Variants in PRKN observed in about 807,000 individuals in gnomAD.
PRKN encodes parkin RBR E3 ubiquitin protein ligase.
A neutral mutation model predicts 59.5 loss-of-function variants in PRKN; 56 were observed. The ratio of observed to expected loss-of-function variants is 0.94; its 90% CI spans 0.76 to 1.18. The LOEUF (loss-of-function observed/expected upper bound fraction) is 1.18. Ranked by LOEUF, PRKN falls within the 50% of genes most tolerant of loss-of-function variation. The pLI is 0.00. For missense variants in PRKN, 657 were observed against 596.4 expected, an observed-to-expected ratio of 1.10 and a Z score of -1.06; for synonymous variants, 250 against 222.1, an observed-to-expected ratio of 1.13 and a Z score of -1.12.
intron 7 of PRKN, among the ~76,000 whole-genome samples, chr6:161,572,686 A>ATAAATAAATAAATAAC (rs1780937571): frequency 6.6e-6 from 1 of 151,988 alleles, no homozygotes; most frequent in Admixed American, 6.6e-5. Context: ...AAATAAATAA[A>ATAAATAAATAAATAAC]TAACCCAAGT....
intron 5 of PRKN, among the ~76,000 whole-genome samples, chr6:162,032,032 T>C (rs1016128758): frequency 2.0e-5 from 3 of 152,196 alleles, no homozygotes; most frequent in Admixed American, 1.3e-4. Flanking sequence ...TTTGTACTCA[T>C]GGATAAAACA....
intron 1 of PRKN, among the ~76,000 whole-genome samples, chr6:162,721,573 T>G (rs771055787): frequency 6.6e-6 from 1 of 152,152 alleles, no homozygotes; most frequent in Non-Finnish European, 1.5e-5. Context: ...TAACTCCTAC[T>G]TGTCCTGCAG....
At chr6:161,772,103 G>GTCT (rs1789716076) in intron 7 of PRKN, among the ~76,000 whole-genome samples, 2 of 152,212 alleles carry the variant, frequency 1.3e-5, no homozygotes, top group African/African-American at 4.8e-5. Flanking sequence ...GCTCTGAATA[G>GTCT]ACGCCTGTGG....
intron 3 of PRKN, among the ~76,000 whole-genome samples, chr6:162,261,285 A>G (rs572690375): frequency 6.6e-6 from 1 of 152,238 alleles, no homozygotes; most frequent in Non-Finnish European, 1.5e-5. Context: ...CTGTTTTTAG[A>G]GCTTTTCCTG....
chr6:162,482,290 T>G (rs1243770278), intron 1 of PRKN, among the ~76,000 whole-genome samples: 1 of 152,190 alleles, frequency 6.6e-6, no homozygotes, highest in Non-Finnish European at 1.5e-5. Context: ...TATTTTATGT[T>G]CAGCTGCTAC....
chr6:161,745,588 T>A (rs897892621), intron 7 of PRKN, among the ~76,000 whole-genome samples: 6 of 152,132 alleles, frequency 3.9e-5, no homozygotes, highest in African/African-American at 1.4e-4. Context: ...TGTAGGCAGT[T>A]TGTATACTCT....
intron 5 of PRKN, among the ~76,000 whole-genome samples, chr6:162,029,334 G>A (rs899803895): frequency 4.6e-5 from 7 of 152,046 alleles, no homozygotes; most frequent in African/African-American, 1.2e-4. Context: ...TTGGGGATAC[G>A]CAACATCAAA....
intron 1 of PRKN, among the ~76,000 whole-genome samples, chr6:162,714,672 C>T (rs1431096115): frequency 6.6e-6 from 1 of 152,114 alleles, no homozygotes; most frequent in Non-Finnish European, 1.5e-5. Context: ...TGTAATTACT[C>T]TGAAGCTTTG....
chr6:162,377,824 A>G (rs1359725922), intron 2 of PRKN, among the ~76,000 whole-genome samples: 2 of 152,182 alleles, frequency 1.3e-5, no homozygotes, highest in Non-Finnish European at 2.9e-5. Flanking sequence ...TGACCATTGG[A>G]GCTTGGCATG....
chr6:161,755,525 G>A (rs1788879388), intron 7 of PRKN, among the ~76,000 whole-genome samples: 1 of 151,948 alleles, frequency 6.6e-6, no homozygotes, highest in South Asian at 2.1e-4. Flanking sequence ...ACAGTAGTAG[G>A]TTATTGCTGG....
chr6:162,550,154 G>A (rs9456789), intron 1 of PRKN, among the ~76,000 whole-genome samples: 36,914 of 152,076 alleles, frequency 0.24, 5,503 homozygotes, highest in African/African-American at 0.42. Flanking sequence ...AAAGGATAAA[G>A]TAAGAATGAT....
intron 5 of PRKN, among the ~76,000 whole-genome samples, chr6:161,973,691 T>C (rs1466145157): frequency 1.3e-5 from 2 of 152,152 alleles, no homozygotes; most frequent in Non-Finnish European, 2.9e-5. Flanking sequence ...CTTTAAGCCA[T>C]GCCCCTCGAT....
intron 1 of PRKN, among the ~76,000 whole-genome samples, chr6:162,487,524 C>T (rs1368487951): frequency 6.6e-6 from 1 of 152,054 alleles, no homozygotes; most frequent in African/African-American, 2.4e-5. Flanking sequence ...CTTTTCTTTA[C>T]TGAGGAAATG....
At chr6:161,612,697 G>C (rs935328900) in intron 7 of PRKN, among the ~76,000 whole-genome samples, 1 of 146,496 alleles carries the variant, frequency 6.8e-6, no homozygotes, top group Non-Finnish European at 1.5e-5. Flanking sequence ...CTCCAGCCTG[G>C]GTGACAGTCA....
intron 4 of PRKN, among the ~76,000 whole-genome samples, chr6:162,148,036 T>A (rs1481531342): frequency 6.6e-6 from 1 of 152,150 alleles, no homozygotes; most frequent in African/African-American, 2.4e-5. Context: ...GAGGACCCTA[T>A]AATGACCTGT....
chr6:161,963,497 G>A (rs1489203148), intron 6 of PRKN, among the ~76,000 whole-genome samples: 2 of 152,158 alleles, frequency 1.3e-5, no homozygotes, highest in Non-Finnish European at 2.9e-5. Context: ...AGTACCAGTG[G>A]GGATAAAATA....
intron 2 of PRKN, among the ~76,000 whole-genome samples, chr6:162,339,417 G>A (rs1331722444): frequency 1.4e-5 from 2 of 145,586 alleles, no homozygotes; most frequent in South Asian, 2.2e-4. Context: ...CCGGCCAGCC[G>A]CCCCGTCCGG....
At chr6:162,575,947 T>G (rs573953239) in intron 1 of PRKN, among the ~76,000 whole-genome samples, 62 of 152,284 alleles carry the variant, frequency 4.1e-4, no homozygotes, top group African/African-American at 1.5e-3. Context: ...AGTTTTGCAT[T>G]CTGTAGCCAT....
intron 7 of PRKN, among the ~76,000 whole-genome samples, chr6:161,607,266 C>T (rs142318301): frequency 2.9e-4 from 44 of 152,154 alleles, no homozygotes; most frequent in African/African-American, 1.0e-3. Flanking sequence ...ACCTTGCACA[C>T]GGTTTCCAAT....
Sources: allele counts gnomAD v4.1 joint callset (sites outside exome capture counted in the v4.1 genomes callset), GRCh38; gene constraint gnomAD v4.1.1; transcripts MANE v1.5; gene names NCBI Gene and HGNC (gene_info 2026-07-23, HGNC 2026-07-21).